EYS: variants seen among roughly 807,000 people sequenced by gnomAD.
EYS encodes protein eyes shut homolog.
EYS carries 250 observed loss-of-function variants against 282.1 expected under a neutral mutation model. The ratio of observed to expected loss-of-function variants is 0.89; its 90% CI spans 0.80 to 0.98. The LOEUF is 0.98. EYS is among the 50% of genes least tolerant of loss of function. EYS has a pLI of 0.00. For missense variants in EYS, 4,016 were observed against 3,709.0 expected (o/e 1.08, Z -2.15); for synonymous variants, 1,355 against 1,282.9 (o/e 1.06, Z -1.20).
chr6:65,353,795 C>A (rs892365208), intron 8 of EYS, among the ~76,000 whole-genome samples, 178 bp from the exon 9 acceptor site: 2 of 152,002 alleles, frequency 1.3e-5, no homozygotes, highest in African/African-American at 4.8e-5. Flanking sequence ...TCTGTACTAT[C>A]TTTTGTCATA....
At chr6:64,702,776 A>C (rs1429344200) in intron 22 of EYS, among the ~76,000 whole-genome samples, 1 of 152,202 alleles carries the variant, frequency 6.6e-6, no homozygotes, top group Non-Finnish European at 1.5e-5. Context: ...TGCACTGTGA[A>C]TACAGACATA....
intron 26 of EYS, among the ~76,000 whole-genome samples, chr6:64,447,946 T>C (rs1562000131): frequency 6.6e-6 from 1 of 152,292 alleles, no homozygotes; most frequent in East Asian, 1.9e-4. Flanking sequence ...AAAGTAACTT[T>C]CTAAAATAAA....
chr6:64,813,288 G>C (rs1764649707), intron 22 of EYS, 90 bp downstream of exon 22: 1 of 888,904 alleles, frequency 1.1e-6, no homozygotes, highest in African/African-American at 1.8e-5. Flanking sequence ...TCAAAACTTA[G>C]TATTTACATT....
At position 64,388,790 on chromosome 6, in the gene EYS, G is replaced by A. The variant is rs1407173353; in HGVS notation, c.5978C>T (p.Thr1993Ile). The A allele has an allele frequency of 6.5e-7, 1 of 1,543,348 alleles. No homozygotes were observed. The highest frequency in any genetic ancestry group is 8.7e-7 in the Non-Finnish European group (1 of 1,142,968). Reference protein sequence around the residue: ...NAELTILGRNTQICESINHVL... With the variant: ...NAELTILGRNIQICESINHVL... ...ATGATTGATAGATTCGCATATTTGT[G>A]TATTCCTCCCTAAAATAGTCAGCTC... is the stretch of plus-strand genomic sequence containing the variant. Residue 1993 changes from threonine to isoleucine, a missense_variant, in exon 29 of 43, where the codon ACA (threonine) becomes ATA (isoleucine). By Grantham distance (89) the Thr-to-Ile change is moderately conservative. Coordinates refer to ENST00000503581, the MANE Select transcript of EYS (RefSeq NM_001142800.2).
intron 26 of EYS, among the ~76,000 whole-genome samples, chr6:64,481,933 AC>A (rs1418250504): frequency 2.0e-5 from 3 of 151,716 alleles, no homozygotes; most frequent in Non-Finnish European, 4.4e-5. Flanking sequence ...AGCTACTAAT[AC>A]CAAAAAAGAA....
At chr6:65,699,989 C>T (rs9453369) in intron 1 of EYS, among the ~76,000 whole-genome samples, 30,658 of 150,898 alleles carry the variant, frequency 0.2, 3,469 homozygotes, top group African/African-American at 0.32. Flanking sequence ...GTGGCGGGCG[C>T]CTGTAGTCCC....
chr6:64,661,964 C>A (rs1159862367), intron 22 of EYS, among the ~76,000 whole-genome samples: 1 of 151,466 alleles, frequency 6.6e-6, no homozygotes, highest in Non-Finnish European at 1.5e-5. Context: ...TTCACAATAG[C>A]AAAGACTTGG....
Position 64,592,984 on chromosome 6 carries a change from A to T in EYS, c.3877+133T>A, listed in dbSNP as rs75420781. On this transcript the variant is annotated intron_variant, in intron 25 of 42. Transcript: ENST00000503581. ...ACTTAAAACAGGAGTCATAACCAAT[A>T]ATGCTTAATTTTACACCCCTAAAAA... 0.11 allele frequency: 68,666 copies of T among 597,170 alleles called. 4,420 individuals carry two copies. The highest frequency in any genetic ancestry group is 0.14 in the East Asian group (4,223 of 30,566). The allele number at this position is 597,170 out of a possible 1,614,324, so 37.0% of individuals were successfully genotyped here. A position where few individuals can be genotyped will look rare whatever the true frequency, so the allele number is the denominator to read the frequency against.
intron 12 of EYS, among the ~76,000 whole-genome samples, chr6:65,226,564 C>T (rs1766631415): frequency 6.6e-6 from 1 of 152,060 alleles, no homozygotes; most frequent in South Asian, 2.1e-4. Flanking sequence ...ATCAAAGCCA[C>T]AGTGAGATCC....
At chr6:65,075,953 G>A (rs1173138915) in intron 12 of EYS, among the ~76,000 whole-genome samples, 1 of 151,870 alleles carries the variant, frequency 6.6e-6, no homozygotes, top group African/African-American at 2.4e-5. Flanking sequence ...GTCTACTGCA[G>A]TTTTTATCTG....
At chr6:64,545,919 T>C (rs1389545587) in intron 26 of EYS, among the ~76,000 whole-genome samples, 1 of 152,022 alleles carries the variant, frequency 6.6e-6, no homozygotes, top group African/African-American at 2.4e-5. Context: ...GTAGGAAAAA[T>C]CAATATCGTG....
intron 2 of EYS, among the ~76,000 whole-genome samples, chr6:65,605,436 T>C (rs987269063): frequency 1.3e-5 from 2 of 152,000 alleles, no homozygotes; most frequent in Non-Finnish European, 2.9e-5. Context: ...TTGAGAATTA[T>C]ATACAATGTC....
intron 12 of EYS, among the ~76,000 whole-genome samples, chr6:65,259,118 C>T (rs1372998622): frequency 6.6e-6 from 1 of 151,988 alleles, no homozygotes; most frequent in Non-Finnish European, 1.5e-5. Flanking sequence ...GTAGACATTA[C>T]TGAGGTCTTG....
chr6:65,087,896 A>G (rs1186227975), intron 12 of EYS, among the ~76,000 whole-genome samples: 1 of 152,116 alleles, frequency 6.6e-6, no homozygotes, highest in Non-Finnish European at 1.5e-5. Context: ...TAAGGGTTGG[A>G]CCAGGTGGAG....
chr6:65,366,847 A>G (rs1324177725), intron 8 of EYS, among the ~76,000 whole-genome samples: 1 of 151,532 alleles, frequency 6.6e-6, no homozygotes, highest in African/African-American at 2.4e-5. Context: ...AGCCTATATT[A>G]TTTGGCTTGT....
intron 24 of EYS, among the ~76,000 whole-genome samples, chr6:64,614,397 G>C (rs1260376426): frequency 6.6e-6 from 1 of 151,854 alleles, no homozygotes; most frequent in Admixed American, 6.6e-5. Flanking sequence ...CACACTAAAA[G>C]CCAAAAAAAT....
intron 36 of EYS, among the ~76,000 whole-genome samples, chr6:63,818,522 CCTT>C: frequency 6.6e-6 from 1 of 152,164 alleles, no homozygotes; most frequent in African/African-American, 2.4e-5. Context: ...CCACCCTTCT[CCTT>C]CTCCCTGAGG....
chr6:65,526,454 T>G (rs1767567374), intron 2 of EYS, among the ~76,000 whole-genome samples: 1 of 152,176 alleles, frequency 6.6e-6, no homozygotes, highest in African/African-American at 2.4e-5. Flanking sequence ...CAGCACTTGA[T>G]AAGTCTCTTT....
rs1582283131 is a variant in EYS at position 64,110,535 on chromosome 6, A to G, written c.6425-28533T>C. Among the ~76,000 whole-genome samples the G allele has an allele frequency of 3.9e-5, 6 of 152,136 alleles. No individual in the cohort carries two copies. In the South Asian group the frequency reaches 1.2e-3, roughly 32 times the overall value. On this transcript the variant is annotated intron_variant, in intron 31 of 42. Transcript: ENST00000503581. ...TGTATGGTGTTTGTTGGCTATGGCT[A>G]TATGGATCTGAAGTTTACAGGCATG...
Sources: allele counts gnomAD v4.1 joint callset (sites outside exome capture counted in the v4.1 genomes callset), GRCh38; gene constraint gnomAD v4.1.1; transcripts MANE v1.5; gene names NCBI Gene and HGNC (gene_info 2026-07-23, HGNC 2026-07-21).